HMGA2: variants seen among roughly 807,000 people sequenced by gnomAD.
HMGA2 encodes high mobility group protein HMGI-C.
HMGA2 carries 8 observed loss-of-function variants against 19.1 expected under a neutral mutation model. The observed-to-expected ratio is 0.42, with a 90% CI of 0.25 to 0.76. The LOEUF is 0.76. Ranked by LOEUF, HMGA2 falls within the 30% of genes least tolerant of loss-of-function variation. The pLI, the probability that HMGA2 is intolerant of heterozygous loss-of-function variation, is 0.28. For synonymous variants in HMGA2, 60 were observed against 48.8 expected (o/e 1.23, Z -0.96); for missense variants, 109 against 136.3 (o/e 0.80, Z 1.00).
intron 3 of HMGA2, among the ~76,000 whole-genome samples, chr12:65,933,249 G>A (rs192486395): frequency 7.8e-4 from 119 of 152,188 alleles, no homozygotes; most frequent in Non-Finnish European, 5.0e-4. Flanking sequence ...ACCTGGGGAC[G>A]ATTCCGTGCT....
chr12:65,962,107 G>A (rs1021287495), intron 4 of HMGA2, among the ~76,000 whole-genome samples: 4 of 152,116 alleles, frequency 2.6e-5, no homozygotes, highest in Admixed American at 1.3e-4. Flanking sequence ...AAAGGGGCTC[G>A]GTCTGCTGCA....
chr12:65,898,429 A>C (rs1592430597), intron 3 of HMGA2, among the ~76,000 whole-genome samples: 1 of 152,318 alleles, frequency 6.6e-6, no homozygotes, highest in East Asian at 1.9e-4. Flanking sequence ...TCCCAGCCTC[A>C]AGGAAATCTG....
chr12:65,828,384 G>GGA, intron 2 of HMGA2: 2 of 219,152 alleles, frequency 9.1e-6, no homozygotes, highest in Non-Finnish European at 1.6e-5. Context: ...GGGGGGGCGG[G>GGA]ATGAAAATGA....
At position 65,825,605 on chromosome 12, in the gene HMGA2, C is replaced by G. The variant is rs899251558; in HGVS notation, c.111+224C>G. On this transcript the variant is annotated intron_variant, in intron 1 of 4. Transcript: ENST00000403681. The surrounding 1 kb of genome is among the most constrained non-coding windows in gnomAD (Gnocchi z 4.4). ...AGGTGGGGAGCCGCGGCGGGCGGCC[C>G]GGGGAAGGCGGGAGGTGGGGTCGGG... Among the ~76,000 whole-genome samples, 7 of 150,576 alleles carry G rather than the reference C, an allele frequency of 4.6e-5. No individual in the cohort carries two copies. Among genetic ancestry groups the G allele is most frequent in the African/African-American group, 1.5e-4 (6 of 41,128 alleles).
At chr12:65,950,759 G>A (rs1328631111) in intron 3 of HMGA2, among the ~76,000 whole-genome samples, 2 of 152,078 alleles carry the variant, frequency 1.3e-5, no homozygotes, top group African/African-American at 2.4e-5. Context: ...AACAAATTAG[G>A]TACCTTCACT....
intron 3 of HMGA2, among the ~76,000 whole-genome samples, chr12:65,920,424 A>G (rs1274510563): frequency 6.6e-6 from 1 of 152,184 alleles, no homozygotes; most frequent in African/African-American, 2.4e-5. Context: ...GAACATGTAG[A>G]TTTGTTTAGA....
intron 3 of HMGA2, among the ~76,000 whole-genome samples, chr12:65,886,446 A>G (rs558045375): frequency 4.7e-4 from 70 of 147,846 alleles, no homozygotes; most frequent in South Asian, 8.5e-4. Context: ...TGCAACCTCT[A>G]CCTCCCAGGT....
At chr12:65,890,621 T>A (rs1464238892) in intron 3 of HMGA2, among the ~76,000 whole-genome samples, 1 of 152,106 alleles carries the variant, frequency 6.6e-6, no homozygotes, top group Non-Finnish European at 1.5e-5. Context: ...ACAACCCCCA[T>A]GCACACGTAC....
chr12:65,848,728 C>T (rs975073628), intron 3 of HMGA2, among the ~76,000 whole-genome samples: 26 of 152,106 alleles, frequency 1.7e-4, no homozygotes, highest in African/African-American at 6.0e-4. Context: ...CGGTGGCGGG[C>T]GCCTGTAGTC....
At chr12:65,844,334 T>A (rs1871147124) in intron 3 of HMGA2, among the ~76,000 whole-genome samples, 1 of 152,198 alleles carries the variant, frequency 6.6e-6, no homozygotes, top group Non-Finnish European at 1.5e-5. Flanking sequence ...TGCTGATGCA[T>A]ATAATGCATT....
At chr12:65,835,116 T>A (rs1204496156) in intron 2 of HMGA2, among the ~76,000 whole-genome samples, 1 of 152,188 alleles carries the variant, frequency 6.6e-6, no homozygotes, top group South Asian at 2.1e-4. Context: ...TATACATGGG[T>A]TTGTAGTATA....
At chr12:65,951,117 G>A (rs1260259708) in intron 3 of HMGA2, among the ~76,000 whole-genome samples, 1 of 151,950 alleles carries the variant, frequency 6.6e-6, no homozygotes, top group Non-Finnish European at 1.5e-5. Context: ...TTTGTAGAGA[G>A]AGGGTTTCAC....
rs1873174351 is a variant in HMGA2 at position 65,878,453 on chromosome 12, T to C, written c.249+39884T>C. ...GCAGGATTAAAATAAGAAGCAAATT[T>C]TGGAAAGCGCACACTTTTTCTTTTG... On this transcript the variant is annotated intron_variant, in intron 3 of 4. Transcript: ENST00000403681. Among the ~76,000 whole-genome samples, 3 of 152,218 alleles carry C rather than the reference T, an allele frequency of 2.0e-5. No homozygotes were observed. In the South Asian group the frequency reaches 6.2e-4, roughly 32 times the overall value.
chr12:65,824,546 C>T lies in HMGA2; in HGVS notation c.-725C>T, dbSNP rs187621885. 2.3e-4 allele frequency: 53 copies of T among 233,656 alleles called. No individual in the cohort carries two copies. The East Asian group carries it at 2.8e-3, about 12-fold the overall frequency. The allele number at this position is 233,656 out of a possible 1,614,324, so 14.5% of individuals were successfully genotyped here. A position where few individuals can be genotyped will look rare whatever the true frequency, so the allele number is the denominator to read the frequency against. On this transcript the variant is annotated 5_prime_UTR_variant, in exon 1 of 5. Coordinates refer to ENST00000403681, the MANE Select transcript of HMGA2 (RefSeq NM_003483.6). ...GACTCAGGAGCTAGCAGCCCGTCCC[C>T]CTCCGACTCTCCGGTGCCGCCGCTG...
intron 3 of HMGA2, chr12:65,856,367 CA>C: frequency 6.6e-6 from 1 of 152,320 alleles, no homozygotes; most frequent in Non-Finnish European, 1.5e-5. Context: ...CTACAGGTGA[CA>C]AAATGAAAAC....
intron 3 of HMGA2, among the ~76,000 whole-genome samples, chr12:65,860,293 GT>G (rs1176804385): frequency 6.6e-6 from 1 of 152,186 alleles, no homozygotes; most frequent in African/African-American, 2.4e-5. Context: ...TTATAAGAAA[GT>G]GTTGAATATC....
At chr12:65,905,778 GC>G (rs1295893537) in intron 3 of HMGA2, among the ~76,000 whole-genome samples, 1 of 152,134 alleles carries the variant, frequency 6.6e-6, no homozygotes, top group Non-Finnish European at 1.5e-5. Flanking sequence ...ACTCATAAAA[GC>G]TGAAGGAATA....
chr12:65,888,594 C>G (rs1424946933), intron 3 of HMGA2, among the ~76,000 whole-genome samples: 1 of 80,794 alleles, frequency 1.2e-5, no homozygotes, highest in Non-Finnish European at 2.1e-5. Context: ...GACAGAGTCT[C>G]ACTCTGTCGC....
chr12:65,919,860 G>A (rs1199191640), intron 3 of HMGA2, among the ~76,000 whole-genome samples: 5 of 152,162 alleles, frequency 3.3e-5, no homozygotes, highest in African/African-American at 1.2e-4. Flanking sequence ...AATCCACAAA[G>A]GATTCAAAGC....
Sources: allele counts gnomAD v4.1 joint callset (sites outside exome capture counted in the v4.1 genomes callset), GRCh38; gene constraint gnomAD v4.1.1; non-coding constraint Gnocchi (gnomAD v3.1); transcripts MANE v1.5; gene names NCBI Gene and HGNC (gene_info 2026-07-23, HGNC 2026-07-21).